CYRIB: variants seen among roughly 807,000 people sequenced by gnomAD.
CYRIB encodes CYFIP-related Rac1 interactor B.
Under a neutral mutation model 44.2 loss-of-function variants are expected in CYRIB, and 8 were observed. That is an observed-to-expected ratio of 0.18 (90% CI 0.11 to 0.33). The LOEUF (loss-of-function observed/expected upper bound fraction) is 0.33, where lower values mean the gene tolerates loss of function less well. Ranked by LOEUF, CYRIB falls within the 10% of genes least tolerant of loss-of-function variation. CYRIB has a pLI of 1.00. For missense variants in CYRIB, 185 were observed against 382.8 expected (o/e 0.48, Z 4.31); for synonymous variants, 131 against 127.2 (o/e 1.03, Z -0.20).
intron 1 of CYRIB, among the ~76,000 whole-genome samples, chr8:129,993,112 C>T (rs976033944): frequency 8.5e-5 from 13 of 152,160 alleles, no homozygotes; most frequent in Admixed American, 5.9e-4. Context: ...TCTTCCCCAC[C>T]GGGCACGGTG....
At chr8:130,014,599 T>C (rs2097300649) in intron 1 of CYRIB, among the ~76,000 whole-genome samples, 1 of 152,090 alleles carries the variant, frequency 6.6e-6, no homozygotes. Flanking sequence ...CTTTGGGAGC[T>C]GAGAAAGGAG....
At chr8:129,842,132 T>C in exon 12 of CYRIB, 3 of 1,606,816 alleles carry the variant, frequency 1.9e-6, no homozygotes, top group Non-Finnish European at 2.6e-6. Context: ...AGGTGCTTAT[T>C]CCAGAATTGT....
intron 1 of CYRIB, 107 bp downstream of exon 1, chr8:130,016,263 A>C: frequency 6.9e-6 from 1 of 145,802 alleles, no homozygotes; most frequent in African/African-American, 2.5e-5. Flanking sequence ...CCCCGCACCC[A>C]TCACGCGCGC....
At chr8:129,857,354 T>C (rs1260096210) in intron 5 of CYRIB, among the ~76,000 whole-genome samples, 1 of 152,200 alleles carries the variant, frequency 6.6e-6, no homozygotes, top group Non-Finnish European at 1.5e-5. Context: ...GGACTGAGAC[T>C]GAAGTATGTA....
At chr8:129,913,043 C>T (rs2078870188) in intron 1 of CYRIB, among the ~76,000 whole-genome samples, 1 of 146,992 alleles carries the variant, frequency 6.8e-6, no homozygotes, top group Admixed American at 7.1e-5. Context: ...ATGATCTAGG[C>T]TCACTGCAAG....
chr8:129,984,089 T>C (rs948668001), intron 1 of CYRIB, among the ~76,000 whole-genome samples: 8 of 152,066 alleles, frequency 5.3e-5, no homozygotes, highest in African/African-American at 1.9e-4. Flanking sequence ...CCTGAGGAGG[T>C]GATCCTGCTG....
chr8:129,890,906 T>TAA (rs565568710), intron 2 of CYRIB, among the ~76,000 whole-genome samples: 3 of 128,330 alleles, frequency 2.3e-5, no homozygotes, highest in Non-Finnish European at 5.1e-5. Context: ...AGATAAAATT[T>TAA]AAAAAAAAAA....
chr8:129,937,237 G>C (rs943341179), intron 1 of CYRIB, among the ~76,000 whole-genome samples: 2 of 152,206 alleles, frequency 1.3e-5, no homozygotes, highest in South Asian at 2.1e-4. Flanking sequence ...CCAAAAATAG[G>C]AGGTATGTCA....
intron 1 of CYRIB, among the ~76,000 whole-genome samples, chr8:129,977,538 CTTTT>C (rs397973101): frequency 6.8e-6 from 1 of 147,514 alleles, no homozygotes; most frequent in Non-Finnish European, 1.5e-5. Context: ...TGTCCTCACT[CTTTT>C]TTTTTTTGAG....
At chr8:129,998,636 C>CA (rs1404911584) in intron 1 of CYRIB, among the ~76,000 whole-genome samples, 1 of 143,400 alleles carries the variant, frequency 7.0e-6, no homozygotes, top group Non-Finnish European at 1.5e-5. Context: ...AAACTCATCT[C>CA]TTTTTTTTTT....
At chr8:129,852,412 C>A in intron 7 of CYRIB, 134 bp from the exon 10 acceptor site, 2 of 423,068 alleles carry the variant, frequency 4.7e-6, no homozygotes, top group Middle Eastern at 5.8e-4. Flanking sequence ...CTCAAATATT[C>A]TTTTTAAAAA....
intron 1 of CYRIB, among the ~76,000 whole-genome samples, chr8:129,930,668 C>T (rs933818279): frequency 1.3e-5 from 2 of 152,042 alleles, no homozygotes; most frequent in African/African-American, 2.4e-5. Context: ...AACCAGGCTA[C>T]ATATTTTGAC....
At chr8:129,972,809 A>C (rs1470692232) in intron 1 of CYRIB, among the ~76,000 whole-genome samples, 2 of 152,030 alleles carry the variant, frequency 1.3e-5, no homozygotes, top group African/African-American at 4.8e-5. Flanking sequence ...CACCCAGGGC[A>C]TAGAGTGTGG....
At chr8:129,855,895 G>A (rs2045976223) in intron 5 of CYRIB, 148 bp from the exon 8 acceptor site, 4 of 725,382 alleles carry the variant, frequency 5.5e-6, no homozygotes, top group Non-Finnish European at 8.8e-6. Flanking sequence ...TAATTAAGAA[G>A]TTTAAATGTT....
At chr8:129,847,698 G>A (rs1157389517) in intron 10 of CYRIB, among the ~76,000 whole-genome samples, 2 of 152,160 alleles carry the variant, frequency 1.3e-5, no homozygotes, top group Non-Finnish European at 2.9e-5. Flanking sequence ...ACTTGATGAC[G>A]ATGGTATTTA....
chr8:129,886,572 T>C (rs897233426), intron 2 of CYRIB, among the ~76,000 whole-genome samples: 1 of 152,168 alleles, frequency 6.6e-6, no homozygotes, highest in Admixed American at 6.5e-5. Context: ...TCAGCATCTT[T>C]TGTTTCTCTC....
intron 1 of CYRIB, among the ~76,000 whole-genome samples, chr8:129,918,236 T>A (rs773939272): frequency 6.6e-6 from 1 of 152,148 alleles, no homozygotes; most frequent in East Asian, 1.9e-4. Context: ...ATAGCCAGGA[T>A]TGCCCAATCC....
At chr8:129,928,010 T>C (rs570777826) in intron 1 of CYRIB, among the ~76,000 whole-genome samples, 5 of 151,970 alleles carry the variant, frequency 3.3e-5, no homozygotes, top group South Asian at 4.2e-4. Context: ...TAGACCTAAA[T>C]GCAAGGACCA....
intron 2 of CYRIB, among the ~76,000 whole-genome samples, chr8:129,959,423 A>G (rs2095103489): frequency 6.6e-6 from 1 of 152,160 alleles, no homozygotes; most frequent in Admixed American, 6.5e-5. Context: ...ATACATGTAG[A>G]GTACCTAGCA....
Sources: gnomAD v4.1 joint callset for allele counts (sites outside exome capture counted in the v4.1 genomes callset) on GRCh38, gnomAD v4.1.1 for gene constraint, MANE v1.5 for transcripts, NCBI Gene and HGNC (gene_info 2026-07-23, HGNC 2026-07-21) for gene names.